The following ADAM22 variants were observed in gnomAD, a reference collection of about 807,000 sequenced individuals.
ADAM22 encodes disintegrin and metalloproteinase domain-containing protein 22.
ADAM22 carries 65 observed loss-of-function variants against 144.6 expected under a neutral mutation model. The ratio of observed to expected loss-of-function variants is 0.45; its 90% CI spans 0.37 to 0.55. The LOEUF is 0.55. Among genes scored for constraint, ADAM22 ranks in the 20% least tolerant of loss-of-function variants. The probability of loss-of-function intolerance (pLI) is 0.00; values close to 1 mark genes in which losing one functional copy is unlikely to be tolerated. For missense variants in ADAM22, 974 were observed against 1,184.9 expected (o/e 0.82, Z 2.61); for synonymous variants, 391 against 412.6 (o/e 0.95, Z 0.63).
chr7:88,008,301 G>C (rs1280503265), intron 3 of ADAM22, among the ~76,000 whole-genome samples: 1 of 150,944 alleles, frequency 6.6e-6, no homozygotes, highest in Non-Finnish European at 1.5e-5. Flanking sequence ...CACTGTTGGT[G>C]GGACTGTAAA....
intron 3 of ADAM22, among the ~76,000 whole-genome samples, chr7:88,047,091 C>T (rs149216978): frequency 2.0e-4 from 30 of 152,278 alleles, no homozygotes; most frequent in African/African-American, 7.0e-4. Context: ...ATTTCCTAGC[C>T]TACCAAATGA....
Position 88,193,140 on chromosome 7 carries a change from T to G in ADAM22, c.2775T>G (p.Pro925=). 1 of 1,614,082 alleles carries G rather than the reference T, an allele frequency of 6.2e-7. No individual in the cohort carries two copies. The highest frequency in any genetic ancestry group is 8.5e-7 in the Non-Finnish European group (1 of 1,179,948). Residue 925 remains proline, a synonymous_variant, in exon 31 of 32, where the codon CCT becomes CCG. Transcript: ENST00000413139. ...GGACTTTATCTCCTGCCAAGTCTCC[T>G]TCTTCATCAACTGGGTCTATTGCCT... is the stretch of plus-strand genomic sequence containing the variant. The part of the protein sequence containing the change: ...YFRTLSPAKS[P]SSSTGSIASS...
intron 30 of ADAM22, among the ~76,000 whole-genome samples, chr7:88,192,777 T>C (rs1271092583): frequency 1.3e-5 from 2 of 152,230 alleles, no homozygotes; most frequent in Non-Finnish European, 2.9e-5. Context: ...TAATATTTTA[T>C]ACACATAATT....
intron 15 of ADAM22, among the ~76,000 whole-genome samples, chr7:88,144,509 G>A (rs556832016): frequency 1.1e-4 from 17 of 151,992 alleles, no homozygotes; most frequent in Admixed American, 1.1e-3. Flanking sequence ...TTATTAAGTC[G>A]ATCAATGGAT....
intron 5 of ADAM22, among the ~76,000 whole-genome samples, chr7:88,113,706 A>G (rs185332415): frequency 0.024 from 1,678 of 68,880 alleles, 81 homozygotes; most frequent in Admixed American, 0.084. Context: ...ATAAATAAAT[A>G]TATATATATA....
chr7:88,055,641 A>G (rs765406756), intron 3 of ADAM22, among the ~76,000 whole-genome samples: 8 of 152,200 alleles, frequency 5.3e-5, no homozygotes, highest in Non-Finnish European at 1.2e-4. Flanking sequence ...TAGTTGAGAA[A>G]TGTGGACCAT....
At chr7:88,169,008 T>C (rs1353273047) in intron 25 of ADAM22, among the ~76,000 whole-genome samples, 4 of 152,162 alleles carry the variant, frequency 2.6e-5, no homozygotes, top group Non-Finnish European at 4.4e-5. Flanking sequence ...GTTCCATAAG[T>C]TAATATATGT....
chr7:88,131,268 G>C lies in ADAM22; in HGVS notation c.826-1G>C. 6.2e-7 allele frequency: 1 copy of C among 1,611,746 alleles called. No individual in the cohort carries two copies. The highest frequency in any genetic ancestry group is 8.5e-7 in the Non-Finnish European group (1 of 1,178,558). On this transcript the variant is annotated splice_acceptor_variant, in intron 10 of 31. Transcript: ENST00000413139. LOFTEE classifies it high-confidence loss of function. ...ATGTGTTCATTTTATTAATATACTA[G>C]ATATATAAAGACCAACTTAAGACCA...
At chr7:88,121,104 T>C (rs1403315357) in intron 7 of ADAM22, among the ~76,000 whole-genome samples, 1 of 152,202 alleles carries the variant, frequency 6.6e-6, no homozygotes, top group Non-Finnish European at 1.5e-5. Flanking sequence ...TGACTCTTAT[T>C]TTATTTGGCT....
chr7:87,938,042 C>T (rs1234046857), intron 2 of ADAM22, among the ~76,000 whole-genome samples: 2 of 152,038 alleles, frequency 1.3e-5, no homozygotes, highest in Admixed American at 6.6e-5. Flanking sequence ...CCAACTTTTC[C>T]TACAGTTAGG....
At chr7:88,023,496 T>C (rs1441120203) in intron 3 of ADAM22, among the ~76,000 whole-genome samples, 2 of 152,174 alleles carry the variant, frequency 1.3e-5, no homozygotes, top group Non-Finnish European at 1.5e-5. Flanking sequence ...CTCAGCTCAT[T>C]GCAACCTCCA....
intron 3 of ADAM22, among the ~76,000 whole-genome samples, chr7:88,009,586 T>C (rs1430849255): frequency 7.1e-5 from 10 of 141,220 alleles, no homozygotes; most frequent in African/African-American, 2.6e-4. Context: ...CTTCACCAAA[T>C]ATGCTATTCT....
At chr7:88,118,928 C>T (rs1828528688) in intron 7 of ADAM22, among the ~76,000 whole-genome samples, 1 of 152,114 alleles carries the variant, frequency 6.6e-6, no homozygotes, top group Non-Finnish European at 1.5e-5. Flanking sequence ...AATGTCAAAA[C>T]TGCAATTTCT....
chr7:87,967,253 C>T (rs1849345304), intron 2 of ADAM22, among the ~76,000 whole-genome samples: 1 of 152,068 alleles, frequency 6.6e-6, no homozygotes, highest in African/African-American at 2.4e-5. Context: ...TAAATTTTTT[C>T]ATGTAAAATA....
At chr7:88,061,312 C>T (rs1303277136) in intron 3 of ADAM22, among the ~76,000 whole-genome samples, 1 of 152,082 alleles carries the variant, frequency 6.6e-6, no homozygotes, top group Admixed American at 6.6e-5. Flanking sequence ...TTTTGACTTC[C>T]TCTTATGAAT....
intron 8 of ADAM22, 129 bp from the exon 9 acceptor site, chr7:88,128,473 A>C (rs1284262389): frequency 1.4e-6 from 1 of 720,508 alleles, no homozygotes; most frequent in Admixed American, 2.6e-5. Flanking sequence ...AAATTGATGA[A>C]AAATTTTTTA....
chr7:88,130,299 G>T, intron 9 of ADAM22, 89 bp from the exon 10 acceptor site: 5 of 959,068 alleles, frequency 5.2e-6, no homozygotes, highest in South Asian at 3.2e-5. Flanking sequence ...CATTTTTAGG[G>T]ATCTTTCAAT....
At chr7:88,159,730 T>C (rs577323670) in intron 22 of ADAM22, among the ~76,000 whole-genome samples, 1 of 152,184 alleles carries the variant, frequency 6.6e-6, no homozygotes, top group South Asian at 2.1e-4. Context: ...AAACTCTCAA[T>C]AAACTACGTA....
At chr7:87,959,396 T>G (rs1048687054) in intron 2 of ADAM22, among the ~76,000 whole-genome samples, 3 of 152,200 alleles carry the variant, frequency 2.0e-5, no homozygotes, top group South Asian at 4.1e-4. Context: ...CTCCTATAAT[T>G]ATCATTTCTT....
Sources: allele counts gnomAD v4.1 joint callset (sites outside exome capture counted in the v4.1 genomes callset), GRCh38; gene constraint gnomAD v4.1.1; transcripts MANE v1.5; gene names NCBI Gene and HGNC (gene_info 2026-07-23, HGNC 2026-07-21).